The following LINGO1 variants were observed in gnomAD, a reference collection of about 807,000 sequenced individuals.
LINGO1 encodes leucine-rich repeat and immunoglobulin-like domain-containing nogo receptor-interacting protein 1.
LINGO1 carries 11 observed loss-of-function variants against 37.3 expected under a neutral mutation model. The observed-to-expected ratio is 0.29, with a 90% CI of 0.19 to 0.49. The LOEUF is 0.49. Among genes scored for constraint, LINGO1 ranks in the 20% least tolerant of loss-of-function variants. LINGO1 has a pLI of 0.99. For synonymous variants in LINGO1, 387 were observed against 403.0 expected, an observed-to-expected ratio of 0.96 and a Z score of 0.48; for missense variants, 585 against 878.2, an observed-to-expected ratio of 0.67 and a Z score of 4.22.
intron 2 of LINGO1, among the ~76,000 whole-genome samples, chr15:77,679,735 A>G (rs1335022604): frequency 6.6e-6 from 1 of 152,214 alleles, no homozygotes; most frequent in Non-Finnish European, 1.5e-5. Flanking sequence ...TGGAGGATCC[A>G]TTGTCCTTGT....
intron 1 of LINGO1, among the ~76,000 whole-genome samples, chr15:77,816,954 A>G (rs1377601897): frequency 1.3e-5 from 2 of 149,234 alleles, no homozygotes; most frequent in Non-Finnish European, 3.0e-5. Flanking sequence ...AGGGAGCCAC[A>G]GGTGAAGAGG....
intron 2 of LINGO1, among the ~76,000 whole-genome samples, chr15:77,734,265 G>C (rs1361245354): frequency 1.3e-5 from 2 of 152,184 alleles, no homozygotes; most frequent in African/African-American, 4.8e-5. Flanking sequence ...ACTCGGAAGA[G>C]ACGCCTGGGC....
At chr15:77,802,445 T>C (rs1318514465) in intron 1 of LINGO1, among the ~76,000 whole-genome samples, 1 of 151,854 alleles carries the variant, frequency 6.6e-6, no homozygotes, top group African/African-American at 2.4e-5. Flanking sequence ...GTGTGTATGT[T>C]AGGAGGTATA....
intron 3 of LINGO1, among the ~76,000 whole-genome samples, chr15:77,642,949 G>T (rs940241501): frequency 3.3e-5 from 5 of 152,202 alleles, no homozygotes; most frequent in African/African-American, 1.2e-4. Context: ...AGGCCATGCA[G>T]CGAGTCAGCA....
At chr15:77,691,076 CTG>C (rs1269087435) in intron 1 of LINGO1, among the ~76,000 whole-genome samples, 5 of 152,228 alleles carry the variant, frequency 3.3e-5, no homozygotes, top group South Asian at 2.1e-4. Context: ...TGACAATGTT[CTG>C]TCTCTGCACT....
intron 1 of LINGO1, among the ~76,000 whole-genome samples, chr15:77,626,714 A>C (rs1053965907): frequency 6.6e-6 from 1 of 152,210 alleles, no homozygotes; most frequent in Non-Finnish European, 1.5e-5. Flanking sequence ...GGGTGGGCTC[A>C]CAGGGAGGCC....
chr15:77,632,257 G>A lies in LINGO1; in HGVS notation c.6+53C>T. On this transcript the variant is annotated intron_variant, in intron 1 of 1. Coordinates refer to ENST00000355300, the MANE Select transcript of LINGO1 (RefSeq NM_032808.7). The surrounding 1 kb of genome is among the most constrained non-coding windows in gnomAD (Gnocchi z 6.0). The stretch of plus-strand genomic sequence containing the variant: ...CCAGGGCCGATGGCGGCCCCCAGGG[G>A]CACTCGCCGCGGGGCTGCCCGCTCG... The A allele has an allele frequency of 5.2e-6, 7 of 1,341,342 alleles. No homozygotes were observed. Among genetic ancestry groups the A allele is most frequent in the Non-Finnish European group, 6.7e-6 (7 of 1,052,530 alleles). 83.1% of individuals were successfully genotyped at this position (1,341,342 alleles called of 1,614,324 possible).
rs2074252510 is a variant in LINGO1 at position 77,631,508 on chromosome 15, C to T, written c.6+802G>A. ...CACCCCTCCTTCTCAAAGTGGGATC[C>T]GCCCGGAGGGTCACATCTCCTGGCA... is the stretch of plus-strand genomic sequence containing the variant. On this transcript the variant is annotated intron_variant, in intron 1 of 1. Coordinates refer to ENST00000355300, the MANE Select transcript of LINGO1 (RefSeq NM_032808.7). 2.6e-5 allele frequency among the ~76,000 whole-genome samples: 4 copies of T among 152,202 alleles called. No individual in the cohort carries two copies. The South Asian group carries it at 8.3e-4, about 31-fold the overall frequency.
intron 1 of LINGO1, among the ~76,000 whole-genome samples, chr15:77,760,916 CTTTTTTTTTTTTTTT>C (rs34524098): frequency 0.16 from 15,838 of 96,472 alleles, 1,236 homozygotes; most frequent in Non-Finnish European, 0.2. Context: ...TAATAAGTAT[CTTTTTTTTTTTTTTT>C]TTTTTTTTTT....
intron 1 of LINGO1, among the ~76,000 whole-genome samples, chr15:77,743,866 G>C (rs1197010561): frequency 6.6e-6 from 1 of 152,100 alleles, no homozygotes; most frequent in Non-Finnish European, 1.5e-5. Context: ...GGAGGTGTGA[G>C]AGGCTCCCAT....
intron 1 of LINGO1, among the ~76,000 whole-genome samples, chr15:77,768,701 C>G (rs1291773177): frequency 6.6e-6 from 1 of 152,136 alleles, no homozygotes; most frequent in African/African-American, 2.4e-5. Flanking sequence ...GACTCTGTCT[C>G]TCTTCCCCTC....
intron 2 of LINGO1, among the ~76,000 whole-genome samples, chr15:77,710,427 C>A (rs1178798805): frequency 6.6e-6 from 1 of 152,202 alleles, no homozygotes; most frequent in Admixed American, 6.5e-5. Flanking sequence ...AGTCTCGGCT[C>A]CTAATTAAGA....
intron 3 of LINGO1, among the ~76,000 whole-genome samples, chr15:77,671,089 T>G (rs2075240263): frequency 6.6e-6 from 1 of 152,044 alleles, no homozygotes; most frequent in South Asian, 2.1e-4. Flanking sequence ...GCAGGGCCCC[T>G]CCCCAGCTGA....
At chr15:77,793,518 C>T (rs1000450765) in intron 2 of LINGO1, among the ~76,000 whole-genome samples, 4 of 152,234 alleles carry the variant, frequency 2.6e-5, no homozygotes, top group African/African-American at 9.6e-5. Context: ...CCTACCACTG[C>T]ACCTTTGCTC....
chr15:77,759,977 G>A (rs1356964879), intron 1 of LINGO1, among the ~76,000 whole-genome samples: 1 of 152,232 alleles, frequency 6.6e-6, no homozygotes, highest in East Asian at 1.9e-4. Context: ...CGGAGGGAGG[G>A]GATGTGGCCC....
intron 1 of LINGO1, among the ~76,000 whole-genome samples, chr15:77,770,178 C>G (rs2076570014): frequency 6.6e-6 from 1 of 152,148 alleles, no homozygotes; most frequent in Admixed American, 6.5e-5. Flanking sequence ...GAAACCAATG[C>G]CTTCTTTCCA....
intron 2 of LINGO1, among the ~76,000 whole-genome samples, chr15:77,794,650 T>G (rs1160117716): frequency 6.8e-6 from 1 of 147,536 alleles, no homozygotes; most frequent in Non-Finnish European, 1.5e-5. Flanking sequence ...TGCAGTGGCG[T>G]GATCTCGGCT....
intron 3 of LINGO1, among the ~76,000 whole-genome samples, chr15:77,643,663 G>A (rs2074559114): frequency 6.6e-6 from 1 of 152,158 alleles, no homozygotes; most frequent in African/African-American, 2.4e-5. Context: ...TGGAGGTGGG[G>A]GTACTGCAGG....
At position 77,632,319 on chromosome 15, in the gene LINGO1, G is replaced by C. The variant is rs765942091; in HGVS notation, c.-4C>G. 2.7e-4 allele frequency: 386 copies of C among 1,440,362 alleles called. 1 individual carries two copies. Among genetic ancestry groups the C allele is most frequent in the Non-Finnish European group, 3.3e-4 (364 of 1,097,656 alleles). 89.2% of individuals were successfully genotyped at this position (1,440,362 alleles called of 1,614,324 possible). A position where few individuals can be genotyped will look rare whatever the true frequency, so the allele number is the denominator to read the frequency against. On this transcript the variant is annotated 5_prime_UTR_variant, in exon 1 of 2. Coordinates refer to ENST00000355300, the MANE Select transcript of LINGO1 (RefSeq NM_032808.7). The surrounding 1 kb of genome is among the most constrained non-coding windows in gnomAD (Gnocchi z 6.0). ...CGGCCGCCTGGCTCACCTGCATCTC[G>C]GGCGCGCCTTCGGTCCGCTCGGCTC...
Sources: allele counts gnomAD v4.1 joint callset (sites outside exome capture counted in the v4.1 genomes callset), GRCh38; gene constraint gnomAD v4.1.1; non-coding constraint Gnocchi (gnomAD v3.1); transcripts MANE v1.5; gene names NCBI Gene and HGNC (gene_info 2026-07-23, HGNC 2026-07-21).